The following SEMA6D variants were observed in gnomAD, a reference collection of about 807,000 sequenced individuals.
SEMA6D encodes semaphorin 6D, also known as semaphorin-6D.
A neutral mutation model predicts 106.6 loss-of-function variants in SEMA6D; 35 were observed. The observed-to-expected ratio is 0.33, with a 90% CI of 0.25 to 0.44. SEMA6D has a LOEUF of 0.44. Ranked by LOEUF, SEMA6D falls within the 20% of genes least tolerant of loss-of-function variation. SEMA6D has a pLI of 1.00. For missense variants in SEMA6D, 1,185 were observed against 1,345.9 expected, an observed-to-expected ratio of 0.88 and a Z score of 1.87; for synonymous variants, 499 against 487.7, an observed-to-expected ratio of 1.02 and a Z score of -0.31.
At chr15:47,765,594 T>A (rs1024742966) in intron 13 of SEMA6D, 2 of 544,978 alleles carry the variant, frequency 3.7e-6, no homozygotes, top group African/African-American at 2.0e-5. Flanking sequence ...CGATCCTTTT[T>A]ATTTCTATAG....
chr15:47,336,912 A>G (rs2037586180), intron 1 of SEMA6D, among the ~76,000 whole-genome samples: 1 of 152,114 alleles, frequency 6.6e-6, no homozygotes, highest in Admixed American at 6.5e-5. Context: ...GTAAAAACAG[A>G]TCAGCTCAGT....
intron 1 of SEMA6D, among the ~76,000 whole-genome samples, chr15:47,228,828 T>C (rs537429075): frequency 6.6e-6 from 1 of 152,064 alleles, no homozygotes; most frequent in South Asian, 2.1e-4. Flanking sequence ...CCAAAGTGGG[T>C]CCCTGTATGT....
At chr15:47,656,308 C>A (rs926324564) in intron 4 of SEMA6D, among the ~76,000 whole-genome samples, 4 of 152,154 alleles carry the variant, frequency 2.6e-5, no homozygotes, top group African/African-American at 9.7e-5. Context: ...AACCCTGTAG[C>A]TCCCCTAAGA....
intron 4 of SEMA6D, among the ~76,000 whole-genome samples, chr15:47,632,773 G>A (rs1009174757): frequency 4.0e-5 from 6 of 151,730 alleles, no homozygotes; most frequent in Admixed American, 6.6e-5. Flanking sequence ...TTACGTTTAA[G>A]GTAATTATTC....
intron 1 of SEMA6D, among the ~76,000 whole-genome samples, chr15:47,231,793 G>A (rs905203552): frequency 6.6e-6 from 1 of 151,836 alleles, no homozygotes; most frequent in Admixed American, 6.6e-5. Flanking sequence ...TAATCCATAG[G>A]CTAAACAGAA....
In SEMA6D at chr15:47,640,079, G is replaced by A. The variant is rs75381545; in HGVS notation, c.-55+39183G>A. On this transcript the variant is annotated intron_variant, in intron 4 of 19. Coordinates refer to the SEMA6D transcript ENST00000558014. ...ATGTTAATAATAGGAGACACTGAAT[G>A]CAGGGGTATTTGGGAAGTCTCTGTA... is the stretch of plus-strand genomic sequence containing the variant. Among the ~76,000 whole-genome samples, 936 of 152,276 alleles carry A rather than the reference G, an allele frequency of 6.1e-3. 4 individuals are homozygous for A. Among genetic ancestry groups the A allele is most frequent in the African/African-American group, 0.021 (869 of 41,538 alleles).
intron 3 of SEMA6D, among the ~76,000 whole-genome samples, chr15:47,565,397 C>T (rs1242973132): frequency 1.3e-5 from 2 of 152,192 alleles, no homozygotes; most frequent in African/African-American, 2.4e-5. Context: ...TTCCAGCACT[C>T]ATGTACTCCA....
chr15:47,718,527 AGCGC>A (rs71761721), intron 1 of SEMA6D: 30,328 of 152,098 alleles, frequency 0.2, 3,481 homozygotes, highest in Middle Eastern at 0.26. Context: ...TTACTGGCAG[AGCGC>A]GCTGCGGGCG....
At chr15:47,482,453 G>C (rs2043178487) in intron 3 of SEMA6D, among the ~76,000 whole-genome samples, 1 of 151,948 alleles carries the variant, frequency 6.6e-6, no homozygotes, top group Admixed American at 6.6e-5. Context: ...CAGTCCTCTG[G>C]GTACCCTTTA....
chr15:47,473,006 TAGAC>T (rs2042897968), intron 3 of SEMA6D, among the ~76,000 whole-genome samples: 1 of 152,226 alleles, frequency 6.6e-6, no homozygotes, highest in Admixed American at 6.5e-5. Context: ...TGTGATAAGT[TAGAC>T]AGCACTCTGC....
chr15:47,573,773 A>G (rs1381218292), intron 3 of SEMA6D, among the ~76,000 whole-genome samples: 1 of 152,226 alleles, frequency 6.6e-6, no homozygotes, highest in African/African-American at 2.4e-5. Flanking sequence ...TTCCACAGGA[A>G]TCACCCCTGC....
At chr15:47,337,643 A>G (rs1348040828) in intron 1 of SEMA6D, among the ~76,000 whole-genome samples, 2 of 152,162 alleles carry the variant, frequency 1.3e-5, no homozygotes, top group Non-Finnish European at 2.9e-5. Context: ...TAATAGTTTG[A>G]TAGAGAAGTA....
chr15:47,503,735 A>G (rs2141645793), intron 3 of SEMA6D, among the ~76,000 whole-genome samples: 1 of 152,066 alleles, frequency 6.6e-6, no homozygotes, highest in South Asian at 2.1e-4. Context: ...AAATCCCTGT[A>G]TGTGACAGCT....
intron 1 of SEMA6D, chr15:47,275,211 G>A (rs977084754): frequency 2.6e-5 from 4 of 152,074 alleles, no homozygotes; most frequent in Admixed American, 2.6e-4. Flanking sequence ...GTGAGCAAGA[G>A]ATGCAATCAC....
chr15:47,731,001 A>T, intron 1 of SEMA6D: 1 of 608,280 alleles, frequency 1.6e-6, no homozygotes, highest in South Asian at 2.0e-5. Context: ...ATCAAATACC[A>T]TGCTGATTTT....
intron 1 of SEMA6D, among the ~76,000 whole-genome samples, chr15:47,361,610 T>C (rs2145113290): frequency 6.6e-6 from 1 of 152,302 alleles, no homozygotes; most frequent in South Asian, 2.1e-4. Context: ...GGGCTGTCTG[T>C]CCCTGTTGCA....
chr15:47,662,033 A>G (rs2077931424), intron 4 of SEMA6D, among the ~76,000 whole-genome samples: 2 of 152,154 alleles, frequency 1.3e-5, no homozygotes, highest in Admixed American at 1.3e-4. Flanking sequence ...CCAGCTATGC[A>G]TCTGACTTGC....
At chr15:47,561,712 ATG>A (rs1413568664) in intron 3 of SEMA6D, among the ~76,000 whole-genome samples, 1 of 151,358 alleles carries the variant, frequency 6.6e-6, no homozygotes, top group Non-Finnish European at 1.5e-5. Flanking sequence ...AATTCTATAA[ATG>A]TGTTTTTCAA....
intron 1 of SEMA6D, among the ~76,000 whole-genome samples, chr15:47,359,110 G>A (rs2038702085): frequency 6.6e-6 from 1 of 152,012 alleles, no homozygotes; most frequent in African/African-American, 2.4e-5. Context: ...TTAAGGGTGA[G>A]AACTATGCCT....
Sources: allele counts gnomAD v4.1 joint callset (sites outside exome capture counted in the v4.1 genomes callset), GRCh38; gene constraint gnomAD v4.1.1; transcripts MANE v1.5; gene names NCBI Gene and HGNC (gene_info 2026-07-23, HGNC 2026-07-21).